CDPF1: variants seen among roughly 807,000 people sequenced by gnomAD.
CDPF1 encodes the protein cysteine-rich DPF motif domain-containing protein 1.
Under a neutral mutation model 8.3 loss-of-function variants are expected in CDPF1, and 8 were observed. The ratio of observed to expected loss-of-function variants is 0.96; its 90% CI spans 0.57 to 1.74. The LOEUF (loss-of-function observed/expected upper bound fraction) is 1.74, where lower values mean the gene tolerates loss of function less well. Ranked by LOEUF, CDPF1 falls within the 40% of genes most tolerant of loss-of-function variation. CDPF1 has a pLI of 0.00. For synonymous variants in CDPF1, 62 were observed against 62.9 expected, an observed-to-expected ratio of 0.99 and a Z score of 0.07; for missense variants, 151 against 155.3, an observed-to-expected ratio of 0.97 and a Z score of 0.15.
rs184463589 is a variant in CDPF1 at position 46,245,479 on chromosome 22, A to T, written c.226-241T>A. ...TGGGTGGGAACAGCTGGGATGGGAC[A>T]GAAAGACTCTGGGGCCTGCTCTGCT... On this transcript the variant is annotated intron_variant, in intron 3 of 3. Transcript: ENST00000314567. The surrounding 1 kb of genome is among the most constrained non-coding windows in gnomAD (Gnocchi z 6.9). Among the ~76,000 whole-genome samples, 1 of 152,206 alleles carries T rather than the reference A, an allele frequency of 6.6e-6. No individual in the cohort carries two copies. Among genetic ancestry groups the T allele is most frequent in the African/African-American group, 2.4e-5 (1 of 41,466 alleles).
Position 46,246,774 on chromosome 22 carries a change from C to G in CDPF1, c.225+336G>C. The G allele has an allele frequency of 1.3e-6, 2 of 1,598,908 alleles. No homozygotes were observed. The highest frequency in any genetic ancestry group is 1.1e-5 in the South Asian group (1 of 88,294). The stretch of plus-strand genomic sequence containing the variant: ...GCTCATGAAAGGACAGTCCCTTCTC[C>G]TGGAGATCCCTCCAAGAACATCTAG... On this transcript the variant is annotated intron_variant, in intron 3 of 3. Coordinates refer to ENST00000314567, the MANE Select transcript of CDPF1 (RefSeq NM_207327.5). This position sits in a 1 kb window ranked among gnomAD's most constrained non-coding sequence, Gnocchi z 7.1.
Position 46,248,260 on chromosome 22 carries a change from G to A in CDPF1, c.25C>T (p.Pro9Ser). 6.2e-7 allele frequency: 1 copy of A among 1,613,454 alleles called. No individual in the cohort carries two copies. Among genetic ancestry groups the A allele is most frequent in the African/African-American group, 1.3e-5 (1 of 75,046 alleles). MASHVECRPLGVFECELCT... is the reference protein window; with the variant it reads MASHVECRSLGVFECELCT... ...AGTTCACACTCAAACACTCCCAGAG[G>A]ACGGCACTCTACATGGGACGCCATC... Residue 9 changes from proline (P) to serine (S), a missense_variant, in exon 2 of 4, where the codon CCT (proline) becomes TCT (serine). Pro to Ser is a moderately conservative substitution (Grantham distance 74). Coordinates refer to ENST00000314567, the MANE Select transcript of CDPF1 (RefSeq NM_207327.5). The surrounding 1 kb of genome is among the most constrained non-coding windows in gnomAD (Gnocchi z 4.1).
In CDPF1 at chr22:46,246,629, A is replaced by C. The variant is rs574139667; in HGVS notation, c.225+481T>G. The C allele has an allele frequency of 5.7e-5, 88 of 1,539,278 alleles. 1 individual carries two copies. The South Asian group carries it at 9.6e-4, about 17-fold the overall frequency. Reference sequence around the variant, plus strand: ...GGCCCACCCAGCCTCTCTGAAGCTCAGTTCCCTCATCTATAAAATGGGTGG... The same window carrying C: ...GGCCCACCCAGCCTCTCTGAAGCTCCGTTCCCTCATCTATAAAATGGGTGG... On this transcript the variant is annotated intron_variant, in intron 3 of 3. Coordinates refer to ENST00000314567, the MANE Select transcript of CDPF1 (RefSeq NM_207327.5). The surrounding 1 kb of genome is among the most constrained non-coding windows in gnomAD (Gnocchi z 7.1).
chr22:46,245,441 G>T lies in CDPF1; in HGVS notation c.226-203C>A, dbSNP rs1465146885. Among the ~76,000 whole-genome samples the T allele has an allele frequency of 6.6e-6, 1 of 152,182 alleles. No individual in the cohort carries two copies. Among genetic ancestry groups the T allele is most frequent in the Non-Finnish European group, 1.5e-5 (1 of 68,030 alleles). On this transcript the variant is annotated intron_variant, in intron 3 of 3. Coordinates refer to ENST00000314567, the MANE Select transcript of CDPF1 (RefSeq NM_207327.5). The surrounding 1 kb of genome is among the most constrained non-coding windows in gnomAD (Gnocchi z 6.9). Reference sequence around the variant, plus strand: ...GGTGTCCAGGAGAAAAGCAATGCAGGCCTGGGCTACCCTGGGTGGGAACAG... The same window carrying T: ...GGTGTCCAGGAGAAAAGCAATGCAGTCCTGGGCTACCCTGGGTGGGAACAG...
chr22:46,247,114 C>T lies in CDPF1; in HGVS notation c.221G>A (p.Gly74Asp). The T allele has an allele frequency of 6.2e-7, 1 of 1,612,842 alleles. No individual in the cohort carries two copies. Among genetic ancestry groups the T allele is most frequent in the Non-Finnish European group, 8.5e-7 (1 of 1,179,080 alleles). The change falls in exon 3 of 4, where the codon GGC becomes GAC. Residue 74 changes from glycine (G) to aspartate (D), a missense_variant. By Grantham distance (94) the Gly-to-Asp change is moderately conservative. Transcript: ENST00000314567. The surrounding 1 kb of genome is among the most constrained non-coding windows in gnomAD (Gnocchi z 4.3). ...CAGCCCACGCTGCTTACCCACCGGG[C>T]CCACACACACCAGCCTGCTGCACAA... ...CSLCSRLVCVGPECSLFYSKR... is the reference protein window; with the variant it reads ...CSLCSRLVCVDPECSLFYSKR...
Position 46,246,601 on chromosome 22 carries a change from C to T in CDPF1, c.225+509G>A. The T allele has an allele frequency of 4.0e-6, 6 of 1,514,000 alleles. No individual in the cohort carries two copies. The highest frequency in any genetic ancestry group is 2.5e-5 in the East Asian group (1 of 40,582). 93.8% of individuals were successfully genotyped at this position (1,514,000 alleles called of 1,614,324 possible). ...TTGGGTTTACAGCTACCCAGGTGAACCTGGCCCACCCAGCCTCTCTGAAGC... is the reference window on the plus strand; with the variant it reads ...TTGGGTTTACAGCTACCCAGGTGAATCTGGCCCACCCAGCCTCTCTGAAGC... On this transcript the variant is annotated intron_variant, in intron 3 of 3. Transcript: ENST00000314567. The surrounding 1 kb of genome is among the most constrained non-coding windows in gnomAD (Gnocchi z 7.1).
At position 46,246,577 on chromosome 22, in the gene CDPF1, T is replaced by C. The variant is rs1936492938; in HGVS notation, c.225+533A>G. ...ATGCTGCTCCACTTCCATCCGTCCT[T>C]GGGTTTACAGCTACCCAGGTGAACC... is the stretch of plus-strand genomic sequence containing the variant. On this transcript the variant is annotated intron_variant, in intron 3 of 3. Coordinates refer to ENST00000314567, the MANE Select transcript of CDPF1 (RefSeq NM_207327.5). This position sits in a 1 kb window ranked among gnomAD's most constrained non-coding sequence, Gnocchi z 7.1. 8 of 1,439,638 alleles carry C rather than the reference T, an allele frequency of 5.6e-6. No homozygotes were observed. The highest frequency in any genetic ancestry group is 7.5e-6 in the Non-Finnish European group (8 of 1,068,550). The allele number at this position is 1,439,638 out of a possible 1,614,324, so 89.2% of individuals were successfully genotyped here.
In CDPF1 at chr22:46,246,309, A is replaced by C. The variant is rs1601846651; in HGVS notation, c.225+801T>G. ...CCAAGGTGTTGCATTCAAGACCTCCACCTCCCCACCTGGCCCACCCACCTT... is the reference window on the plus strand; with the variant it reads ...CCAAGGTGTTGCATTCAAGACCTCCCCCTCCCCACCTGGCCCACCCACCTT... On this transcript the variant is annotated intron_variant, in intron 3 of 3. Transcript: ENST00000314567. The surrounding 1 kb of genome is among the most constrained non-coding windows in gnomAD (Gnocchi z 7.1). 8.6e-6 allele frequency among the ~76,000 whole-genome samples: 1 copy of C among 116,600 alleles called. No homozygotes were observed. The highest frequency in any genetic ancestry group is 3.4e-5 in the African/African-American group (1 of 29,572). The allele number at this position is 116,600 out of a possible 152,430, so 76.5% of individuals were successfully genotyped here.
chr22:46,247,398 A>G lies in CDPF1; in HGVS notation c.114-177T>C, dbSNP rs1936508144. ...CTGCAGGGCAGTGACAGAAAGGATC[A>G]GCAATTGGGGGCCACACTGGCACTG... is the stretch of plus-strand genomic sequence containing the variant. On this transcript the variant is annotated intron_variant, in intron 2 of 3. Transcript: ENST00000314567. This position sits in a 1 kb window ranked among gnomAD's most constrained non-coding sequence, Gnocchi z 4.3. Among the ~76,000 whole-genome samples the G allele has an allele frequency of 6.6e-6, 1 of 152,198 alleles. No individual in the cohort carries two copies.
chr22:46,245,053 T>C lies in CDPF1; in HGVS notation c.*39A>G, dbSNP rs1450081976. ...CTGGCGCAGGCTGGCCCAGGAGCTCTGTGCAGGGTGCCGCCCGATGACCTA... is the reference window on the plus strand; with the variant it reads ...CTGGCGCAGGCTGGCCCAGGAGCTCCGTGCAGGGTGCCGCCCGATGACCTA... On this transcript the variant is annotated 3_prime_UTR_variant, in exon 4 of 4. Coordinates refer to ENST00000314567, the MANE Select transcript of CDPF1 (RefSeq NM_207327.5). The surrounding 1 kb of genome is among the most constrained non-coding windows in gnomAD (Gnocchi z 6.9). The C allele has an allele frequency of 1.2e-6, 2 of 1,609,270 alleles. No individual in the cohort carries two copies. The highest frequency in any genetic ancestry group is 2.2e-5 in the East Asian group (1 of 44,858).
chr22:46,247,046 C>T lies in CDPF1; in HGVS notation c.225+64G>A, dbSNP rs1936500980. On this transcript the variant is annotated intron_variant, in intron 3 of 3. Transcript: ENST00000314567. The surrounding 1 kb of genome is among the most constrained non-coding windows in gnomAD (Gnocchi z 4.3). The stretch of plus-strand genomic sequence containing the variant: ...CTCCCTCTCTCCCAGCCCTCCCTAC[C>T]CAGGGAGAGCTCCAGGATAACCACA... The T allele has an allele frequency of 2.1e-6, 3 of 1,410,172 alleles. No individual in the cohort carries two copies. Among genetic ancestry groups the T allele is most frequent in the East Asian group, 2.4e-5 (1 of 42,206 alleles). The allele number at this position is 1,410,172 out of a possible 1,614,324, so 87.4% of individuals were successfully genotyped here.
At position 46,246,819 on chromosome 22, in the gene CDPF1, G is replaced by T; in HGVS notation, c.225+291C>A. On this transcript the variant is annotated intron_variant, in intron 3 of 3. Coordinates refer to ENST00000314567, the MANE Select transcript of CDPF1 (RefSeq NM_207327.5). The surrounding 1 kb of genome is among the most constrained non-coding windows in gnomAD (Gnocchi z 7.1). ...ATCTAGAAAGTAAGTCACCATCCTGGTGAGAGGGCGCACAAGGACTGTCTG... is the reference window on the plus strand; with the variant it reads ...ATCTAGAAAGTAAGTCACCATCCTGTTGAGAGGGCGCACAAGGACTGTCTG... 6.4e-7 allele frequency: 1 copy of T among 1,566,102 alleles called. No homozygotes were observed. Among genetic ancestry groups the T allele is most frequent in the Non-Finnish European group, 8.6e-7 (1 of 1,156,386 alleles).
At position 46,249,780 on chromosome 22, in the gene CDPF1, G is replaced by C. The variant is rs1475347793; in HGVS notation, c.-1+476C>G. 6.7e-6 allele frequency among the ~76,000 whole-genome samples: 1 copy of C among 148,290 alleles called. No individual in the cohort carries two copies. The highest frequency in any genetic ancestry group is 1.5e-5 in the Non-Finnish European group (1 of 67,180). On this transcript the variant is annotated intron_variant, in intron 1 of 3. Coordinates refer to ENST00000314567, the MANE Select transcript of CDPF1 (RefSeq NM_207327.5). The surrounding 1 kb of genome is among the most constrained non-coding windows in gnomAD (Gnocchi z 4.6). ...GCGGGGGGTTGGGGAGCGGGGGCTG[G>C]GGGGGCGGAGGTTGCGGTGAGCCGA...
In CDPF1 at chr22:46,244,172, A is replaced by AGAT. The variant is rs1244952038; in HGVS notation, c.*917_*919dup. Reference sequence around the variant, plus strand: ...AGCTGCTACCCTGGAAGCTTCAGGGAGATGGGGAGCCTGGAGTAGGGGGGT... The same window carrying AGAT: ...AGCTGCTACCCTGGAAGCTTCAGGGAGATGATGGGGAGCCTGGAGTAGGGGGGT... On this transcript the variant is annotated 3_prime_UTR_variant, in exon 4 of 4. Coordinates refer to ENST00000314567, the MANE Select transcript of CDPF1 (RefSeq NM_207327.5). The surrounding 1 kb of genome is among the most constrained non-coding windows in gnomAD (Gnocchi z 6.7). The AGAT allele has an allele frequency of 6.7e-5, 10 of 150,226 alleles. No individual in the cohort carries two copies. Among genetic ancestry groups the AGAT allele is most frequent in the African/African-American group, 2.5e-4 (10 of 39,752 alleles). The allele number at this position is 150,226 out of a possible 1,614,324, so 9.3% of individuals were successfully genotyped here. A position where few individuals can be genotyped will look rare whatever the true frequency, so the allele number is the denominator to read the frequency against.
rs982293225 is a variant in CDPF1, at chr22:46,249,582, G to A, written c.-1+674C>T. Among the ~76,000 whole-genome samples, 3 of 152,194 alleles carry A rather than the reference G, an allele frequency of 2.0e-5. No homozygotes were observed. Among genetic ancestry groups the A allele is most frequent in the Non-Finnish European group, 4.4e-5 (3 of 68,024 alleles). ...GGGAATCACTTGAACCTAGGAGGCG[G>A]AGATTGCAGTGAGCCGAGATTGTGC... On this transcript the variant is annotated intron_variant, in intron 1 of 3. Coordinates refer to ENST00000314567, the MANE Select transcript of CDPF1 (RefSeq NM_207327.5). This position sits in a 1 kb window ranked among gnomAD's most constrained non-coding sequence, Gnocchi z 4.6.
rs1055439372 is a variant in CDPF1, at chr22:46,244,840, A to G, written c.*252T>C. ...CACTCAGGCCTGGGCCCTGAGGGGC[A>G]TGTGGGGGGACCTGGCCGGGTTCCT... On this transcript the variant is annotated 3_prime_UTR_variant, in exon 4 of 4. Transcript: ENST00000314567. The surrounding 1 kb of genome is among the most constrained non-coding windows in gnomAD (Gnocchi z 6.7). 11 of 470,280 alleles carry G rather than the reference A, an allele frequency of 2.3e-5. No individual in the cohort carries two copies. In the Admixed American group the frequency reaches 3.9e-4, roughly 16 times the overall value. 29.1% of individuals were successfully genotyped at this position (470,280 alleles called of 1,614,324 possible). A position where few individuals can be genotyped will look rare whatever the true frequency, so the allele number is the denominator to read the frequency against.
rs1165487296 is a variant in CDPF1, at chr22:46,249,407, GGTAGCCAGA to G, written c.-1+840_-1+848del. Among the ~76,000 whole-genome samples, 4 of 152,244 alleles carry G rather than the reference GGTAGCCAGA, an allele frequency of 2.6e-5. No individual in the cohort carries two copies. In the East Asian group the frequency reaches 7.8e-4, roughly 30 times the overall value. On this transcript the variant is annotated intron_variant, in intron 1 of 3. Transcript: ENST00000314567. The surrounding 1 kb of genome is among the most constrained non-coding windows in gnomAD (Gnocchi z 4.6). ...CTCATACCTGTAATCCCAGCACTCTGGTAGCCAGAGGCGGGCGGATTACCTGAGGTCAGG... is the reference window on the plus strand; with the variant it reads ...CTCATACCTGTAATCCCAGCACTCTGGGCGGGCGGATTACCTGAGGTCAGG...
At position 46,246,709 on chromosome 22, in the gene CDPF1, T is replaced by C. The variant is rs1295970237; in HGVS notation, c.225+401A>G. On this transcript the variant is annotated intron_variant, in intron 3 of 3. Coordinates refer to ENST00000314567, the MANE Select transcript of CDPF1 (RefSeq NM_207327.5). The surrounding 1 kb of genome is among the most constrained non-coding windows in gnomAD (Gnocchi z 7.1). ...GCAGGACTGAATGAAGCCTCAGCAG[T>C]AAAACAGGTCCCAAGCACAGGACCT... 8.8e-6 allele frequency: 14 copies of C among 1,596,152 alleles called. No homozygotes were observed. The highest frequency in any genetic ancestry group is 1.2e-5 in the Non-Finnish European group (14 of 1,171,810).
chr22:46,248,129 G>A lies in CDPF1; in HGVS notation c.113+43C>T. ...GCACACCACCCACCAACCAGCACTGGGCACAGGCCTCCCCGGCACTGGCCC... is the reference window on the plus strand; with the variant it reads ...GCACACCACCCACCAACCAGCACTGAGCACAGGCCTCCCCGGCACTGGCCC... On this transcript the variant is annotated intron_variant, in intron 2 of 3. Transcript: ENST00000314567. This position sits in a 1 kb window ranked among gnomAD's most constrained non-coding sequence, Gnocchi z 4.1. 1.4e-6 allele frequency: 2 copies of A among 1,440,914 alleles called. No homozygotes were observed. Among genetic ancestry groups the A allele is most frequent in the Non-Finnish European group, 1.9e-6 (2 of 1,030,548 alleles). The allele number at this position is 1,440,914 out of a possible 1,614,324, so 89.3% of individuals were successfully genotyped here.
Sources: gnomAD v4.1 joint callset for allele counts (sites outside exome capture counted in the v4.1 genomes callset) on GRCh38, gnomAD v4.1.1 for gene constraint, Gnocchi (gnomAD v3.1) non-coding constraint, MANE v1.5 for transcripts, NCBI Gene and HGNC (gene_info 2026-07-23, HGNC 2026-07-21) for gene names.